Variants in MAST2 observed in about 807,000 individuals in gnomAD.
MAST2 encodes microtubule-associated serine/threonine-protein kinase 2.
Under a neutral mutation model 147.4 loss-of-function variants are expected in MAST2, and 70 were observed. That is an observed-to-expected ratio of 0.47 (90% CI 0.39 to 0.58). MAST2 has a LOEUF of 0.58. MAST2 is among the 20% of genes least tolerant of loss of function. The pLI is 0.00. For synonymous variants in MAST2, 869 were observed against 896.8 expected, an observed-to-expected ratio of 0.97 and a Z score of 0.55; for missense variants, 2,080 against 2,302.3, an observed-to-expected ratio of 0.90 and a Z score of 1.98.
intron 3 of MAST2, chr1:45,865,036 C>T (rs894182878): frequency 1.6e-5 from 7 of 445,494 alleles, no homozygotes; most frequent in Non-Finnish European, 2.7e-5. Flanking sequence ...CCTCTTTATC[C>T]AGCAGTAAGT....
At chr1:45,804,921 G>A (rs1644093982) in intron 1 of MAST2, among the ~76,000 whole-genome samples, 1 of 152,186 alleles carries the variant, frequency 6.6e-6, no homozygotes, top group Admixed American at 6.5e-5. Context: ...CTGTAGTAAT[G>A]AACTCTAGTG....
In MAST2 at chr1:46,033,831, T is replaced by G. The variant is rs745306460; in HGVS notation, c.3567T>G (p.Thr1189=). 2.5e-6 allele frequency: 4 copies of G among 1,613,728 alleles called. No individual in the cohort carries two copies. Among genetic ancestry groups the G allele is most frequent in the Non-Finnish European group, 3.4e-6 (4 of 1,179,958 alleles). ...GAAACAAGGTGGCCATTTCAACAAC[T>G]CCCCTGGAGAACACATCCATTAAAG... is the stretch of plus-strand genomic sequence containing the variant. The part of the protein sequence containing the change: ...KSGNKVAIST[T]PLENTSIKVG... Residue 1189 remains threonine (T), a synonymous_variant, in exon 27 of 29, where the codon ACT becomes ACG. Coordinates refer to ENST00000361297, the MANE Select transcript of MAST2 (RefSeq NM_015112.3).
At chr1:45,906,149 G>C (rs537365303) in intron 4 of MAST2, among the ~76,000 whole-genome samples, 3 of 152,260 alleles carry the variant, frequency 2.0e-5, no homozygotes, top group African/African-American at 7.2e-5. Context: ...AAATTACTGA[G>C]TTGTACAAGT....
chr1:45,831,870 C>T (rs1383153501), intron 3 of MAST2, among the ~76,000 whole-genome samples: 4 of 151,584 alleles, frequency 2.6e-5, no homozygotes, highest in African/African-American at 7.3e-5. Context: ...ACCTCTGTCT[C>T]CTGGGTTCAA....
At chr1:45,966,441 A>G (rs1183388939) in intron 5 of MAST2, among the ~76,000 whole-genome samples, 1 of 152,152 alleles carries the variant, frequency 6.6e-6, no homozygotes, top group Admixed American at 6.5e-5. Context: ...AAAAAAAAAA[A>G]ACTCTTCAAG....
chr1:46,031,190 A>T lies in MAST2; in HGVS notation c.2892A>T (p.Pro964=). The T allele has an allele frequency of 1.3e-6, 2 of 1,576,780 alleles. No homozygotes were observed. The highest frequency in any genetic ancestry group is 1.7e-6 in the Non-Finnish European group (2 of 1,157,132). The change falls in exon 23 of 29, where the codon CCA becomes CCT. Residue 964 remains proline (P), a synonymous_variant. Transcript: ENST00000361297. The surrounding 1 kb of genome is among the most constrained non-coding windows in gnomAD (Gnocchi z 4.1). ...PQEGIWVLTP[P]SGEGVSGPVT... The stretch of plus-strand genomic sequence containing the variant: ...AGGGTATATGGGTCCTGACACCCCC[A>T]TCTGGAGAGGGGGTATCTGGGCCTG...
intron 4 of MAST2, among the ~76,000 whole-genome samples, chr1:45,931,770 A>G (rs1322360219): frequency 2.0e-5 from 3 of 152,036 alleles, no homozygotes; most frequent in Non-Finnish European, 4.4e-5. Flanking sequence ...CTGGGATTAC[A>G]GGTGTGAGCC....
In MAST2 at chr1:45,900,444, A is replaced by ATTT. The variant is rs1557883752; in HGVS notation, c.500+18050_500+18051insTTT. On this transcript the variant is annotated intron_variant, in intron 4 of 28. Coordinates refer to ENST00000361297, the MANE Select transcript of MAST2 (RefSeq NM_015112.3). The stretch of plus-strand genomic sequence containing the variant: ...TTTCTCTGATGATTAGTGATGTTGG[A>ATTT]TATTTTTTTTTTTTTTTTTTTTTTT... 8.2e-3 allele frequency among the ~76,000 whole-genome samples: 122 copies of ATTT among 14,886 alleles called. 25 individuals are homozygous for ATTT. Among genetic ancestry groups the ATTT allele is most frequent in the Non-Finnish European group, 0.01 (101 of 10,058 alleles). The allele number at this position is 14,886 out of a possible 152,430, so 9.8% of individuals were successfully genotyped here. A position where few individuals can be genotyped will look rare whatever the true frequency, so the allele number is the denominator to read the frequency against.
chr1:46,028,733 A>G, intron 17 of MAST2, 35 bp from the exon 18 acceptor site: 3 of 1,611,592 alleles, frequency 1.9e-6, no homozygotes, highest in Non-Finnish European at 2.5e-6. Flanking sequence ...CAGCAGCCTC[A>G]GGAGGCTGAG....
At chr1:45,936,434 G>GT (rs1410843406) in intron 4 of MAST2, among the ~76,000 whole-genome samples, 1 of 150,254 alleles carries the variant, frequency 6.7e-6, no homozygotes, top group Non-Finnish European at 1.5e-5. Flanking sequence ...GGGCATTCTT[G>GT]TTTTGTTCCA....
chr1:45,862,813 G>GGT (rs1364898634), intron 3 of MAST2, among the ~76,000 whole-genome samples: 2 of 152,108 alleles, frequency 1.3e-5, no homozygotes, highest in Non-Finnish European at 2.9e-5. Context: ...AACCTGTCTT[G>GGT]GTGAAAGGTT....
intron 4 of MAST2, among the ~76,000 whole-genome samples, chr1:45,942,079 C>T (rs146833777): frequency 1.3e-4 from 20 of 151,874 alleles, no homozygotes; most frequent in African/African-American, 4.8e-4. Context: ...GAAAGAGTCT[C>T]AGGGACCCCA....
chr1:45,886,337 C>CACACACACACAT (rs1196762930), intron 4 of MAST2, among the ~76,000 whole-genome samples: 1 of 150,470 alleles, frequency 6.6e-6, no homozygotes, highest in Non-Finnish European at 1.5e-5. Flanking sequence ...CACACACACA[C>CACACACACACAT]ACACACACAC....
rs927013568 is a variant in MAST2, at chr1:46,027,817, A to G, written c.2006A>G (p.Tyr669Cys). 1.1e-5 allele frequency: 18 copies of G among 1,614,206 alleles called. No individual in the cohort carries two copies. Among genetic ancestry groups the G allele is most frequent in the Non-Finnish European group, 1.5e-5 (18 of 1,180,040 alleles). ...IGLMSLTTNL[Y>C]EGHIEKDARE... ...CTCATGAGTCTGACAACGAACTTGT[A>G]TGAGGGTCATATTGAAAAGGATGCC... The change falls in exon 17 of 29, where the codon TAT becomes TGT. Residue 669 changes from tyrosine (Y) to cysteine (C), a missense_variant. By Grantham distance (194) the Tyr-to-Cys change is radical. Transcript: ENST00000361297.
At chr1:45,868,537 C>T (rs1487870629) in intron 3 of MAST2, among the ~76,000 whole-genome samples, 2 of 152,064 alleles carry the variant, frequency 1.3e-5, no homozygotes, top group African/African-American at 2.4e-5. Flanking sequence ...CCCCCCCAAC[C>T]CCCTGCTTGC....
intron 11 of MAST2, among the ~76,000 whole-genome samples, chr1:46,020,563 A>C (rs1313207879): frequency 6.6e-6 from 1 of 152,204 alleles, no homozygotes; most frequent in Non-Finnish European, 1.5e-5. Context: ...CATACAATAA[A>C]ATATATCCCT....
At chr1:45,853,957 C>T (rs1167700451) in intron 3 of MAST2, among the ~76,000 whole-genome samples, 1 of 152,036 alleles carries the variant, frequency 6.6e-6, no homozygotes, top group African/African-American at 2.4e-5. Flanking sequence ...TTATTCAGCT[C>T]ATGGATGTCC....
At chr1:46,018,681 A>T (rs17101933) in intron 10 of MAST2, among the ~76,000 whole-genome samples, 1 of 152,082 alleles carries the variant, frequency 6.6e-6, no homozygotes, top group Non-Finnish European at 1.5e-5. Flanking sequence ...TTGTCTTTCT[A>T]TCCTTTTTTA....
intron 4 of MAST2, among the ~76,000 whole-genome samples, chr1:45,903,640 C>T (rs1650179917): frequency 6.6e-6 from 1 of 152,100 alleles, no homozygotes; most frequent in African/African-American, 2.4e-5. Flanking sequence ...TAATTTTATT[C>T]CATGAGGTCT....
Sources: gnomAD v4.1 joint callset for allele counts (sites outside exome capture counted in the v4.1 genomes callset) on GRCh38, gnomAD v4.1.1 for gene constraint, Gnocchi (gnomAD v3.1) non-coding constraint, MANE v1.5 for transcripts, NCBI Gene and HGNC (gene_info 2026-07-23, HGNC 2026-07-21) for gene names.